PRDM16: variants seen among roughly 807,000 people sequenced by gnomAD.
PRDM16 encodes histone-lysine N-methyltransferase PRDM16.
PRDM16 carries 23 observed loss-of-function variants against 110.6 expected under a neutral mutation model. The ratio of observed to expected loss-of-function variants is 0.21; its 90% CI spans 0.15 to 0.29. PRDM16 has a LOEUF of 0.29. PRDM16 is among the 10% of genes least tolerant of loss of function. The probability of loss-of-function intolerance (pLI) is 1.00; values close to 1 mark genes in which losing one functional copy is unlikely to be tolerated. For missense variants in PRDM16, 1,615 were observed against 1,794.3 expected, an observed-to-expected ratio of 0.90 and a Z score of 1.81; for synonymous variants, 799 against 781.8, an observed-to-expected ratio of 1.02 and a Z score of -0.37.
intron 1 of PRDM16, among the ~76,000 whole-genome samples, chr1:3,160,780 C>T (rs1033054107): frequency 3.9e-5 from 6 of 152,212 alleles, no homozygotes; most frequent in South Asian, 2.1e-4. Flanking sequence ...TTACTTCTCC[C>T]GGCTTCATGG....
At chr1:3,332,060 G>GA (rs543180111) in intron 3 of PRDM16, among the ~76,000 whole-genome samples, 112 of 152,348 alleles carry the variant, frequency 7.4e-4, no homozygotes, top group African/African-American at 2.6e-3. Context: ...TCCCTGCTCC[G>GA]AAGCACCCGT....
rs529498623 is a variant in PRDM16, at chr1:3,361,051, C to T, written c.439-24101C>T. On this transcript the variant is annotated intron_variant, in intron 3 of 16. Transcript: ENST00000270722. ...TGACTAACAACGGCGGCAGTGTCTG[C>T]GGAACAGCGTTCCATTGAGCGCAGG... Among the ~76,000 whole-genome samples the T allele has an allele frequency of 4.0e-4, 61 of 152,340 alleles. 1 individual carries two copies. The South Asian group carries it at 0.012, about 29-fold the overall frequency.
chr1:3,219,703 G>A (rs1388188124), intron 2 of PRDM16, among the ~76,000 whole-genome samples: 1 of 152,130 alleles, frequency 6.6e-6, no homozygotes, highest in Non-Finnish European at 1.5e-5. Flanking sequence ...CATGGCAGGA[G>A]CAAGGGCTGA....
chr1:3,400,160 T>C (rs1458196849), intron 5 of PRDM16, among the ~76,000 whole-genome samples: 2 of 152,250 alleles, frequency 1.3e-5, no homozygotes, highest in African/African-American at 4.8e-5. Context: ...ATGGGCAGGC[T>C]GCAGGCCCAC....
intron 3 of PRDM16, among the ~76,000 whole-genome samples, chr1:3,305,244 C>G (rs1195964795): frequency 6.6e-6 from 1 of 152,204 alleles, no homozygotes; most frequent in African/African-American, 2.4e-5. Flanking sequence ...CCCACAGACA[C>G]TGAAATAACA....
At chr1:3,145,665 G>C (rs949598308) in intron 1 of PRDM16, among the ~76,000 whole-genome samples, 7 of 152,182 alleles carry the variant, frequency 4.6e-5, no homozygotes, top group African/African-American at 1.7e-4. Flanking sequence ...CAGTCAGGAC[G>C]TGCTTCACTC....
intron 3 of PRDM16, among the ~76,000 whole-genome samples, chr1:3,331,494 G>C (rs1642040851): frequency 6.6e-6 from 1 of 152,210 alleles, no homozygotes; most frequent in Non-Finnish European, 1.5e-5. Context: ...GAATAGCCCA[G>C]GCTCCACTTC....
intron 3 of PRDM16, among the ~76,000 whole-genome samples, chr1:3,250,055 G>T (rs535864043): frequency 6.6e-6 from 1 of 152,112 alleles, no homozygotes; most frequent in Non-Finnish European, 1.5e-5. Context: ...TGGCCCTGGG[G>T]ACCCTCATCC....
intron 3 of PRDM16, among the ~76,000 whole-genome samples, chr1:3,248,560 C>G (rs1050903711): frequency 6.6e-6 from 1 of 152,120 alleles, no homozygotes; most frequent in South Asian, 2.1e-4. Context: ...GCCCCTAGGG[C>G]GAGGGGCGGG....
Position 3,069,224 on chromosome 1 carries a change from T to C in PRDM16, c.-36T>C, listed in dbSNP as rs756144345. ...AGATAGTGTGTGGCTGCTTCTGGAC[T>C]CAAGGAGGAGGAGAGAGATTCCGCG... On this transcript the variant is annotated 5_prime_UTR_variant, in exon 1 of 17. Transcript: ENST00000270722. The surrounding 1 kb of genome is among the most constrained non-coding windows in gnomAD (Gnocchi z 6.1). 7.0e-6 allele frequency: 11 copies of C among 1,572,800 alleles called. No individual in the cohort carries two copies. In the East Asian group the frequency reaches 9.7e-5, roughly 14 times the overall value.
At chr1:3,291,042 C>CA in intron 3 of PRDM16, among the ~76,000 whole-genome samples, 1 of 151,914 alleles carries the variant, frequency 6.6e-6, no homozygotes, top group East Asian at 1.9e-4. Flanking sequence ...AGGAGAGATG[C>CA]AGGAGGATCG....
rs959505389 is a variant in PRDM16, at chr1:3,244,340, G to A, written c.438+203G>A. 2.6e-5 allele frequency among the ~76,000 whole-genome samples: 4 copies of A among 152,098 alleles called. No homozygotes were observed. The highest frequency in any genetic ancestry group is 5.9e-5 in the Non-Finnish European group (4 of 68,026). On this transcript the variant is annotated intron_variant, in intron 3 of 16. Transcript: ENST00000270722. This position sits in a 1 kb window ranked among gnomAD's most constrained non-coding sequence, Gnocchi z 4.1. ...CATTAGGAGGGATGGGGAGGTGGGG[G>A]TCATGTCGCCGTAGGGTCACAGGTA...
intron 3 of PRDM16, among the ~76,000 whole-genome samples, chr1:3,302,841 C>T (rs960178300): frequency 1.3e-5 from 2 of 152,222 alleles, no homozygotes; most frequent in Non-Finnish European, 2.9e-5. Context: ...TGGGAGCACA[C>T]ATGCCAGACA....
chr1:3,311,979 T>C (rs1157248653), intron 3 of PRDM16, among the ~76,000 whole-genome samples: 1 of 152,146 alleles, frequency 6.6e-6, no homozygotes, highest in Non-Finnish European at 1.5e-5. Flanking sequence ...TCCAGCCAGG[T>C]GCTCAGGGAG....
At chr1:3,273,234 T>G (rs1341878454) in intron 3 of PRDM16, among the ~76,000 whole-genome samples, 4 of 152,160 alleles carry the variant, frequency 2.6e-5, no homozygotes, top group Admixed American at 6.5e-5. Context: ...TTGTTGGGTA[T>G]GGGGAGGCTG....
chr1:3,149,156 G>T (rs1014275253), intron 1 of PRDM16, among the ~76,000 whole-genome samples: 1 of 152,334 alleles, frequency 6.6e-6, no homozygotes, highest in Middle Eastern at 3.4e-3. Context: ...AAGCCTGGGG[G>T]TGGGGGGCAT....
At chr1:3,114,177 A>ACGCG (rs1553127225) in intron 1 of PRDM16, among the ~76,000 whole-genome samples, 4 of 99,904 alleles carry the variant, frequency 4.0e-5, no homozygotes, top group Admixed American at 1.1e-4. Flanking sequence ...ACACACACGC[A>ACGCG]CACACACGCA....
intron 3 of PRDM16, among the ~76,000 whole-genome samples, chr1:3,373,883 G>A (rs568676645): frequency 7.2e-5 from 11 of 152,388 alleles, no homozygotes; most frequent in Non-Finnish European, 1.0e-4. Flanking sequence ...GAAGAAGACA[G>A]AGCAGGGAAC....
chr1:3,133,293 C>CA (rs1643371596), intron 1 of PRDM16: 2 of 152,294 alleles, frequency 1.3e-5, no homozygotes, highest in Non-Finnish European at 2.9e-5. Context: ...TTTCCCACCG[C>CA]AAACCATGCC....
Sources: gnomAD v4.1 joint callset for allele counts (sites outside exome capture counted in the v4.1 genomes callset) on GRCh38, gnomAD v4.1.1 for gene constraint, Gnocchi (gnomAD v3.1) non-coding constraint, MANE v1.5 for transcripts, NCBI Gene and HGNC (gene_info 2026-07-23, HGNC 2026-07-21) for gene names.